Variants in MPPED2 observed in about 807,000 individuals in gnomAD.
MPPED2 encodes the protein metallophosphoesterase MPPED2.
Under a neutral mutation model 33.0 loss-of-function variants are expected in MPPED2, and 5 were observed. The ratio of observed to expected loss-of-function variants is 0.15; its 90% CI spans 0.08 to 0.32. The LOEUF is 0.32. Ranked by LOEUF, MPPED2 falls within the 10% of genes least tolerant of loss-of-function variation. MPPED2 has a pLI of 1.00. For missense variants in MPPED2, 275 were observed against 372.1 expected (o/e 0.74, Z 2.15); for synonymous variants, 136 against 141.9 (o/e 0.96, Z 0.29).
Position 30,497,403 on chromosome 11 carries a change from G to A in MPPED2, c.311-1882C>T, listed in dbSNP as rs77496531. 6.8e-3 allele frequency among the ~76,000 whole-genome samples: 1,028 copies of A among 152,242 alleles called. 16 individuals carry two copies. Among genetic ancestry groups the A allele is most frequent in the African/African-American group, 0.022 (893 of 41,514 alleles). ...CCAATTCACCTGTGCTCCCAAAGCC[G>A]GAACAGGCTAAAACGTTTTCCCAGA... On this transcript the variant is annotated intron_variant, in intron 3 of 6. Transcript: ENST00000358117.
chr11:30,420,378 A>T (rs1418929933), intron 4 of MPPED2, among the ~76,000 whole-genome samples: 1 of 152,236 alleles, frequency 6.6e-6, no homozygotes, highest in Admixed American at 6.5e-5. Flanking sequence ...GCCTCCAAAA[A>T]AATGCAGCCC....
At chr11:30,512,868 G>A (rs1044283568) in intron 3 of MPPED2, among the ~76,000 whole-genome samples, 2 of 152,088 alleles carry the variant, frequency 1.3e-5, no homozygotes, top group African/African-American at 2.4e-5. Flanking sequence ...AAATGTGGTG[G>A]TGTACACCTG....
chr11:30,558,768 C>T (rs944713962), intron 2 of MPPED2, among the ~76,000 whole-genome samples: 1 of 151,448 alleles, frequency 6.6e-6, no homozygotes, highest in Non-Finnish European at 1.5e-5. Context: ...CTCTTTCCTT[C>T]TTTCTTTCTT....
chr11:30,569,969 A>G (rs1168648898), intron 2 of MPPED2, among the ~76,000 whole-genome samples: 3 of 152,086 alleles, frequency 2.0e-5, no homozygotes, highest in Non-Finnish European at 4.4e-5. Context: ...TCACAAACAC[A>G]TCTGCTATAT....
intron 2 of MPPED2, among the ~76,000 whole-genome samples, chr11:30,558,414 T>A (rs76950711): frequency 0.25 from 37,251 of 151,784 alleles, 5,400 homozygotes; most frequent in Non-Finnish European, 0.33. Context: ...TCCTTCTTTT[T>A]TTTTTTATTT....
intron 3 of MPPED2, among the ~76,000 whole-genome samples, chr11:30,498,645 G>T (rs1952413175): frequency 6.6e-6 from 1 of 151,958 alleles, no homozygotes; most frequent in South Asian, 2.1e-4. Flanking sequence ...TATTTTAGGT[G>T]AAATGGAAAG....
At chr11:30,493,307 C>G (rs1156282672) in intron 4 of MPPED2, among the ~76,000 whole-genome samples, 2 of 149,924 alleles carry the variant, frequency 1.3e-5, no homozygotes, top group Non-Finnish European at 3.0e-5. Flanking sequence ...GAAGGCGGAG[C>G]TTGCAGTGAG....
At chr11:30,447,748 T>C (rs1949873636) in intron 4 of MPPED2, among the ~76,000 whole-genome samples, 1 of 152,138 alleles carries the variant, frequency 6.6e-6, no homozygotes, top group African/African-American at 2.4e-5. Context: ...CCTTTGCTGA[T>C]AGCTAGAGGG....
At chr11:30,434,083 T>A (rs1363967082) in intron 4 of MPPED2, among the ~76,000 whole-genome samples, 1 of 152,196 alleles carries the variant, frequency 6.6e-6, no homozygotes, top group Non-Finnish European at 1.5e-5. Context: ...CCCATGTGAT[T>A]ACACTGAGCC....
At chr11:30,475,651 G>A (rs1191547705) in intron 4 of MPPED2, among the ~76,000 whole-genome samples, 4 of 152,076 alleles carry the variant, frequency 2.6e-5, no homozygotes, top group African/African-American at 4.8e-5. Context: ...TATTTGCTGA[G>A]TAGTATTCCA....
chr11:30,416,603 C>T (rs1438942169), intron 5 of MPPED2, among the ~76,000 whole-genome samples: 1 of 152,062 alleles, frequency 6.6e-6, no homozygotes, highest in African/African-American at 2.4e-5. Flanking sequence ...GCATTGTACA[C>T]TGAAAAATGT....
intron 2 of MPPED2, among the ~76,000 whole-genome samples, chr11:30,536,919 C>T (rs960870343): frequency 6.6e-6 from 1 of 152,096 alleles, no homozygotes; most frequent in African/African-American, 2.4e-5. Context: ...AGATTCTATT[C>T]AGTACAAATA....
At chr11:30,414,183 G>A (rs1392074588) in intron 6 of MPPED2, 45 bp downstream of exon 6, 1 of 1,359,200 alleles carries the variant, frequency 7.4e-7, no homozygotes, top group Admixed American at 1.7e-5. Flanking sequence ...CTGAGATAGT[G>A]GACAGGGGCA....
At chr11:30,405,571 G>A (rs1017052397), downstream of MPPED2, among the ~76,000 whole-genome samples, 1 of 152,152 alleles carries the variant, frequency 6.6e-6, no homozygotes, top group African/African-American at 2.4e-5. Context: ...AATTCAGGAA[G>A]GAAATGAGGA....
At chr11:30,507,163 T>A (rs565974121) in intron 3 of MPPED2, among the ~76,000 whole-genome samples, 4 of 152,190 alleles carry the variant, frequency 2.6e-5, no homozygotes, top group African/African-American at 4.8e-5. Flanking sequence ...AACCAAATCA[T>A]GGGTTCCAAT....
chr11:30,566,243 C>G (rs562617214), intron 2 of MPPED2, among the ~76,000 whole-genome samples: 1 of 152,100 alleles, frequency 6.6e-6, no homozygotes, highest in Non-Finnish European at 1.5e-5. Context: ...CAAATATGAT[C>G]AATAAGTGAG....
downstream of MPPED2, among the ~76,000 whole-genome samples, chr11:30,408,958 C>T (rs553108163): frequency 4.4e-4 from 67 of 152,322 alleles, no homozygotes; most frequent in African/African-American, 1.6e-3. Flanking sequence ...CCCTCAGAGG[C>T]AGCTCGTGCA....
chr11:30,385,881 A>C (rs965916662), exon 7 of MPPED2: 33 of 151,292 alleles, frequency 2.2e-4, no homozygotes, highest in African/African-American at 7.5e-4. Context: ...CACCCACTCC[A>C]CCCTGCCATG....
At chr11:30,548,136 C>T (rs934343006) in intron 2 of MPPED2, among the ~76,000 whole-genome samples, 4 of 152,172 alleles carry the variant, frequency 2.6e-5, no homozygotes, top group Non-Finnish European at 5.9e-5. Context: ...CTCAAAGCTT[C>T]ATTTACCTCA....
Sources: gnomAD v4.1 joint callset for allele counts (sites outside exome capture counted in the v4.1 genomes callset) on GRCh38, gnomAD v4.1.1 for gene constraint, MANE v1.5 for transcripts, NCBI Gene and HGNC (gene_info 2026-07-23, HGNC 2026-07-21) for gene names.